BAZ1A: variants seen among roughly 807,000 people sequenced by gnomAD.
BAZ1A encodes the protein bromodomain adjacent to zinc finger domain 1A.
In BAZ1A, 50 loss-of-function variants were observed where a neutral mutation model predicts 185.2. The ratio of observed to expected loss-of-function variants is 0.27; its 90% CI spans 0.22 to 0.34. The LOEUF (loss-of-function observed/expected upper bound fraction) is 0.34, where lower values mean the gene tolerates loss of function less well. Among genes scored for constraint, BAZ1A ranks in the 10% least tolerant of loss-of-function variants. The probability of loss-of-function intolerance (pLI) is 1.00; values close to 1 mark genes in which losing one functional copy is unlikely to be tolerated. For synonymous variants in BAZ1A, 571 were observed against 615.6 expected (o/e 0.93, Z 1.07); for missense variants, 1,356 against 1,839.9 (o/e 0.74, Z 4.81).
intron 9 of BAZ1A, among the ~76,000 whole-genome samples, chr14:34,797,085 C>T (rs1881236960): frequency 1.3e-5 from 2 of 152,056 alleles, no homozygotes; most frequent in African/African-American, 4.8e-5. Flanking sequence ...TTATTTAAAG[C>T]ACTTAGCTAT....
chr14:34,824,835 C>A (rs77374576), intron 4 of BAZ1A, among the ~76,000 whole-genome samples: 1 of 152,004 alleles, frequency 6.6e-6, no homozygotes, highest in Non-Finnish European at 1.5e-5. Flanking sequence ...AAATAGGAAA[C>A]CAAGAAAGAC....
intron 3 of BAZ1A, among the ~76,000 whole-genome samples, chr14:34,851,855 T>C (rs751245287): frequency 2.6e-5 from 4 of 151,972 alleles, no homozygotes; most frequent in Non-Finnish European, 5.9e-5. Context: ...AGGCCGGGCG[T>C]GGTGGCTCAT....
At chr14:34,856,859 C>CA (rs577936229) in intron 3 of BAZ1A, among the ~76,000 whole-genome samples, 49 of 73,992 alleles carry the variant, frequency 6.6e-4, no homozygotes, top group African/African-American at 1.7e-3. Context: ...AACTCGGTCT[C>CA]AAAAAAAAAA....
In BAZ1A at chr14:34,810,000, T is replaced by G. The variant is rs146019878; in HGVS notation, c.638+935A>C. ...TGCTCTAGAGATCTTAAACTAATGA[T>G]GAGCCCCCCAAAACCAACCAACCAA... is the stretch of plus-strand genomic sequence containing the variant. On this transcript the variant is annotated intron_variant, in intron 5 of 26. Transcript: ENST00000360310. Among the ~76,000 whole-genome samples the G allele has an allele frequency of 6.1e-3, 934 of 152,246 alleles. 17 individuals carry two copies. The highest frequency in any genetic ancestry group is 0.022 in the African/African-American group (902 of 41,536).
At chr14:34,764,664 A>G (rs534676263) in intron 23 of BAZ1A, 43 bp downstream of exon 23, 3 of 1,555,868 alleles carry the variant, frequency 1.9e-6, no homozygotes, top group African/African-American at 2.7e-5. Flanking sequence ...GAAATTGTCT[A>G]ACTAAGACTT....
chr14:34,871,205 C>T (rs1169634148), intron 2 of BAZ1A, among the ~76,000 whole-genome samples: 2 of 152,192 alleles, frequency 1.3e-5, no homozygotes, highest in African/African-American at 4.8e-5. Flanking sequence ...AAATTGTTGT[C>T]GGCTAGCCAA....
chr14:34,823,532 T>C (rs1452611541), intron 4 of BAZ1A, among the ~76,000 whole-genome samples: 1 of 151,960 alleles, frequency 6.6e-6, no homozygotes, highest in African/African-American at 2.4e-5. Flanking sequence ...TGGTGGCACA[T>C]GCCTTTAATC....
chr14:34,760,736 C>T (rs576294360), intron 24 of BAZ1A, among the ~76,000 whole-genome samples: 87 of 152,010 alleles, frequency 5.7e-4, no homozygotes, highest in African/African-American at 2.1e-3. Flanking sequence ...CCTGTAGTCG[C>T]AGCTGCTTGT....
chr14:34,836,814 C>T (rs1594889541), intron 3 of BAZ1A, among the ~76,000 whole-genome samples: 1 of 152,002 alleles, frequency 6.6e-6, no homozygotes, highest in Middle Eastern at 3.4e-3. Context: ...CAGCTATTCA[C>T]ACAAAAAGAG....
intron 2 of BAZ1A, among the ~76,000 whole-genome samples, chr14:34,865,739 T>C (rs1345516589): frequency 6.6e-6 from 1 of 152,134 alleles, no homozygotes; most frequent in African/African-American, 2.4e-5. Flanking sequence ...ATAATCGGTG[T>C]ATATCATCAA....
chr14:34,765,676 T>G (rs1878790133), intron 21 of BAZ1A, among the ~76,000 whole-genome samples: 1 of 152,248 alleles, frequency 6.6e-6, no homozygotes, highest in Non-Finnish European at 1.5e-5. Flanking sequence ...GTTCTCCAAC[T>G]TAAATTATCT....
chr14:34,867,997 A>G (rs1195801924), intron 2 of BAZ1A, among the ~76,000 whole-genome samples: 3 of 152,260 alleles, frequency 2.0e-5, no homozygotes, highest in Admixed American at 6.5e-5. Context: ...AGCAAAAATG[A>G]TAACATACAA....
chr14:34,833,656 G>A (rs998740543), intron 3 of BAZ1A, among the ~76,000 whole-genome samples: 3 of 152,022 alleles, frequency 2.0e-5, no homozygotes, highest in African/African-American at 7.2e-5. Flanking sequence ...CACAGAGAAA[G>A]AACATAGAAT....
chr14:34,835,861 G>A (rs567702064), intron 3 of BAZ1A, among the ~76,000 whole-genome samples: 1 of 151,526 alleles, frequency 6.6e-6, no homozygotes, highest in African/African-American at 2.4e-5. Flanking sequence ...AGTAGAGACA[G>A]GGTTTCTCCA....
chr14:34,795,769 G>A lies in BAZ1A; in HGVS notation c.1129-4C>T, dbSNP rs752492474. The A allele has an allele frequency of 1.2e-6, 2 of 1,604,494 alleles. No homozygotes were observed. The highest frequency in any genetic ancestry group is 1.7e-6 in the Non-Finnish European group (2 of 1,174,714). On this transcript the variant is annotated splice_region_variant and splice_polypyrimidine_tract_variant and intron_variant, in intron 9 of 26. Transcript: ENST00000360310. ...CTTCACGTAACTTCTCTCTTTCCTAGAAATTTTTAAAAGTTAATAACAATT... is the reference window on the plus strand; with the variant it reads ...CTTCACGTAACTTCTCTCTTTCCTAAAAATTTTTAAAAGTTAATAACAATT...
At chr14:34,829,438 G>A (rs2042209348) in intron 3 of BAZ1A, among the ~76,000 whole-genome samples, 1 of 151,706 alleles carries the variant, frequency 6.6e-6, no homozygotes, top group Non-Finnish European at 1.5e-5. Context: ...CATTTCATTG[G>A]CCAAAAAATA....
At chr14:34,869,246 AT>A (rs1165586783) in intron 2 of BAZ1A, among the ~76,000 whole-genome samples, 8 of 152,078 alleles carry the variant, frequency 5.3e-5, no homozygotes, top group African/African-American at 1.9e-4. Flanking sequence ...ATAACATAAA[AT>A]CAGATAATTC....
chr14:34,760,601 A>G (rs1208329724), intron 24 of BAZ1A, among the ~76,000 whole-genome samples: 3 of 151,850 alleles, frequency 2.0e-5, no homozygotes, highest in African/African-American at 7.3e-5. Flanking sequence ...TGTAATCCCA[A>G]CATTTGGGAG....
At chr14:34,839,179 C>A (rs1207560523) in intron 3 of BAZ1A, among the ~76,000 whole-genome samples, 1 of 152,144 alleles carries the variant, frequency 6.6e-6, no homozygotes, top group Non-Finnish European at 1.5e-5. Flanking sequence ...TACAAAGCGG[C>A]AGAAATGAAT....
Sources: gnomAD v4.1 joint callset for allele counts (sites outside exome capture counted in the v4.1 genomes callset) on GRCh38, gnomAD v4.1.1 for gene constraint, MANE v1.5 for transcripts, NCBI Gene and HGNC (gene_info 2026-07-23, HGNC 2026-07-21) for gene names.